Variants in KIF11 observed in about 807,000 individuals in gnomAD.
KIF11 encodes kinesin-like protein KIF11.
KIF11 carries 9 observed loss-of-function variants against 121.0 expected under a neutral mutation model. The observed-to-expected ratio is 0.07, with a 90% CI of 0.04 to 0.13. KIF11 has a LOEUF of 0.13. Ranked by LOEUF, KIF11 falls within the 10% of genes least tolerant of loss-of-function variation. KIF11 has a pLI of 1.00. For missense variants in KIF11, 846 were observed against 1,217.5 expected (o/e 0.69, Z 4.54); for synonymous variants, 408 against 421.0 (o/e 0.97, Z 0.38).
intron 13 of KIF11, 112 bp downstream of exon 13, chr10:92,632,805 C>A: frequency 1.8e-6 from 1 of 564,274 alleles, no homozygotes; most frequent in Non-Finnish European, 3.0e-6. Context: ...CTCTACCATG[C>A]ACAAACTATT....
intron 5 of KIF11, 74 bp downstream of exon 5, chr10:92,609,279 AGAGAG>A: frequency 9.3e-7 from 1 of 1,079,444 alleles, no homozygotes. Flanking sequence ...AGAGAGAGAG[AGAGAG>A]AGAGAGAGAG....
chr10:92,634,965 A>G (rs761059108), intron 14 of KIF11, among the ~76,000 whole-genome samples: 14 of 152,246 alleles, frequency 9.2e-5, no homozygotes, highest in Non-Finnish European at 1.9e-4. Context: ...GGCCATAACT[A>G]TAAATCTTTT....
chr10:92,651,154 T>C (rs2135926327), intron 21 of KIF11, among the ~76,000 whole-genome samples: 1 of 151,674 alleles, frequency 6.6e-6, no homozygotes, highest in Middle Eastern at 3.4e-3. Flanking sequence ...GCCTCCCGGG[T>C]AGCTAGGATT....
rs1451966215 is a variant in KIF11, at chr10:92,609,397, A to C, written c.586A>C (p.Ile196Leu). ...GTATTTTGGTCAGAGAGGAGTGATA[A>C]TTAAAGGTTTAGAAGAAATTACAGT... The part of the protein sequence containing the change: ...DDPRNKRGVI[I>L]KGLEEITVHN... The change falls in exon 6 of 22, where the codon ATT becomes CTT. Residue 196 changes from isoleucine to leucine, a missense_variant. By Grantham distance (5) the Ile-to-Leu change is conservative. Around this residue, in one of 5 missense-constraint regions of KIF11, gnomAD observed 116 missense variants for 285.3 expected, o/e 0.41. Coordinates refer to ENST00000260731, the MANE Select transcript of KIF11 (RefSeq NM_004523.4). 3 of 1,611,410 alleles carry C rather than the reference A, an allele frequency of 1.9e-6. No individual in the cohort carries two copies. The highest frequency in any genetic ancestry group is 1.3e-5 in the African/African-American group (1 of 74,264).
chr10:92,625,870 G>A (rs1253519444), intron 10 of KIF11, among the ~76,000 whole-genome samples: 1 of 152,166 alleles, frequency 6.6e-6, no homozygotes, highest in Non-Finnish European at 1.5e-5. Flanking sequence ...CAACTAACCA[G>A]AGAGGTGAAG....
At chr10:92,651,507 G>GTTTTTTTTTTTTTTTTTTTTT (rs1175303233) in intron 21 of KIF11, among the ~76,000 whole-genome samples, 3 of 52,956 alleles carry the variant, frequency 5.7e-5, no homozygotes, top group Admixed American at 2.5e-4. Flanking sequence ...GGCTAATTTT[G>GTTTTTTTTTTTTTTTTTTTTT]TTTTTTTTTT....
chr10:92,606,154 A>G, intron 1 of KIF11, 111 bp from the exon 2 acceptor site: 1 of 941,718 alleles, frequency 1.1e-6, no homozygotes, highest in Admixed American at 3.0e-5. Flanking sequence ...TCCATCACCA[A>G]CAATGTGGTC....
At chr10:92,626,593 A>G (rs1418190873) in intron 10 of KIF11, among the ~76,000 whole-genome samples, 1 of 152,192 alleles carries the variant, frequency 6.6e-6, no homozygotes, top group African/African-American at 2.4e-5. Flanking sequence ...CATTTAAAAC[A>G]GGATAATGCT....
At chr10:92,611,929 A>G (rs1844501976) in intron 6 of KIF11, among the ~76,000 whole-genome samples, 1 of 152,024 alleles carries the variant, frequency 6.6e-6, no homozygotes, top group Admixed American at 6.6e-5. Context: ...TTTTTTTTTT[A>G]AGTAACATGA....
At chr10:92,631,344 A>T (rs181987564) in intron 12 of KIF11, among the ~76,000 whole-genome samples, 92 of 149,560 alleles carry the variant, frequency 6.2e-4, no homozygotes, top group African/African-American at 2.0e-3. Context: ...AAAGATGTTG[A>T]AAGTATTTAA....
intron 1 of KIF11, among the ~76,000 whole-genome samples, chr10:92,601,958 T>C (rs1052820012): frequency 6.6e-6 from 1 of 152,226 alleles, no homozygotes; most frequent in African/African-American, 2.4e-5. Context: ...CCTAGTTTGT[T>C]GAGCATTTTT....
chr10:92,644,802 T>C (rs962522752), intron 17 of KIF11, among the ~76,000 whole-genome samples: 1 of 152,242 alleles, frequency 6.6e-6, no homozygotes, highest in Non-Finnish European at 1.5e-5. Flanking sequence ...ATGGAAATTA[T>C]CAATGAATTT....
chr10:92,615,066 G>A (rs369627929), intron 8 of KIF11, among the ~76,000 whole-genome samples: 4 of 151,982 alleles, frequency 2.6e-5, no homozygotes, highest in Non-Finnish European at 2.9e-5. Context: ...AAAATGCTGC[G>A]ATTATAGGCA....
chr10:92,634,849 T>G (rs958799598), intron 14 of KIF11, among the ~76,000 whole-genome samples: 6 of 152,216 alleles, frequency 3.9e-5, no homozygotes, highest in Admixed American at 3.9e-4. Context: ...GTAGCTGATT[T>G]TAAAACTACA....
rs1403428016 is a variant in KIF11, at chr10:92,602,847, T to TGTGC, written c.78-3415_78-3414insCGTG. ...ACACGTGTGTGTGTGTGTGTGTGTG[T>TGTGC]GTGTGTGTGGTTTTTTGTTTGTTTT... is the stretch of plus-strand genomic sequence containing the variant. On this transcript the variant is annotated intron_variant, in intron 1 of 21. Coordinates refer to ENST00000260731, the MANE Select transcript of KIF11 (RefSeq NM_004523.4). Among the ~76,000 whole-genome samples, 6 of 149,976 alleles carry TGTGC rather than the reference T, an allele frequency of 4.0e-5. No individual in the cohort carries two copies. The East Asian group carries it at 1.2e-3, about 30-fold the overall frequency.
At chr10:92,597,190 G>T in intron 1 of KIF11, 1 of 270,836 alleles carries the variant, frequency 3.7e-6, no homozygotes, top group South Asian at 4.8e-5. Context: ...CAATGTATTT[G>T]ACTTTGGAGA....
At position 92,630,232 on chromosome 10, in the gene KIF11, G is replaced by A. The variant is rs1439681915; in HGVS notation, c.1362G>A (p.Leu454=). 2.5e-6 allele frequency: 4 copies of A among 1,607,252 alleles called. No individual in the cohort carries two copies. Among genetic ancestry groups the A allele is most frequent in the Middle Eastern group, 1.7e-4 (1 of 6,054 alleles). The change falls in exon 12 of 22, where the codon CTG becomes CTA. Residue 454 remains leucine, a synonymous_variant. Coordinates refer to ENST00000260731, the MANE Select transcript of KIF11 (RefSeq NM_004523.4). ...KNELDQCKSD[L]QNKTQELETT... ...AACTTGACCAGTGTAAATCTGACCT[G>A]CAAAATAAAACACAAGAACTTGAAA...
chr10:92,642,681 CTT>C (rs1491319377), intron 17 of KIF11, among the ~76,000 whole-genome samples: 1 of 143,688 alleles, frequency 7.0e-6, no homozygotes, highest in Admixed American at 6.7e-5. Flanking sequence ...GAATTGACCT[CTT>C]TATCATTATG....
intron 10 of KIF11, among the ~76,000 whole-genome samples, chr10:92,625,752 A>G (rs929923089): frequency 6.6e-6 from 1 of 152,228 alleles, no homozygotes; most frequent in African/African-American, 2.4e-5. Context: ...CAATCATTGT[A>G]CTAAAATCAG....
Sources: allele counts gnomAD v4.1 joint callset (sites outside exome capture counted in the v4.1 genomes callset), GRCh38; gene constraint gnomAD v4.1.1; regional missense constraint gnomAD v4.1.1; transcripts MANE v1.5; gene names NCBI Gene and HGNC (gene_info 2026-07-23, HGNC 2026-07-21).